Variants in ZDHHC15 observed in about 807,000 individuals in gnomAD.
ZDHHC15 encodes zDHHC palmitoyltransferase 15.
Under a neutral mutation model 31.7 loss-of-function variants are expected in ZDHHC15, and 19 were observed. That is an observed-to-expected ratio of 0.60 (90% CI 0.42 to 0.88). ZDHHC15 has a LOEUF of 0.88. Among genes scored for constraint, ZDHHC15 ranks in the 40% least tolerant of loss-of-function variants. The probability of loss-of-function intolerance (pLI) is 0.00; values close to 1 mark genes in which losing one functional copy is unlikely to be tolerated. For missense variants in ZDHHC15, 209 were observed against 251.2 expected (o/e 0.83, Z 1.14); for synonymous variants, 103 against 90.0 (o/e 1.14, Z -0.82).
chrX:75,391,095 C>T (rs746260576), intron 10 of ZDHHC15, among the ~76,000 whole-genome samples: 93 of 111,623 alleles, frequency 8.3e-4, no homozygotes, highest in Middle Eastern at 9.3e-3. Flanking sequence ...GAATGCAAAA[C>T]GGTTTCTTAA....
At chrX:75,497,187 T>C (rs1401535060) in intron 2 of ZDHHC15, among the ~76,000 whole-genome samples, 1 of 111,446 alleles carries the variant, frequency 9.0e-6, no homozygotes, top group African/African-American at 3.3e-5. Flanking sequence ...CAAAAGATCA[T>C]TGAAGGCTAC....
At chrX:75,406,465 A>G (rs1490657580) in intron 10 of ZDHHC15, among the ~76,000 whole-genome samples, 3 of 111,413 alleles carry the variant, frequency 2.7e-5, no homozygotes, top group Non-Finnish European at 5.7e-5. Flanking sequence ...ACCAAGGAAA[A>G]AAGAGAGAAG....
chrX:75,455,037 C>CA (rs2084193083), intron 3 of ZDHHC15, among the ~76,000 whole-genome samples: 1 of 111,316 alleles, frequency 9.0e-6, no homozygotes, highest in Admixed American at 9.6e-5. Context: ...CATATGGAAT[C>CA]AAAAAAGAGC....
intron 2 of ZDHHC15, among the ~76,000 whole-genome samples, chrX:75,494,452 GA>G (rs2084955064): frequency 9.1e-6 from 1 of 110,161 alleles, no homozygotes; most frequent in South Asian, 3.8e-4. Context: ...TCATATGAAA[GA>G]AAAAAGAGCC....
chrX:75,394,769 C>A (rs1263884522), intron 10 of ZDHHC15, among the ~76,000 whole-genome samples: 2 of 111,696 alleles, frequency 1.8e-5, no homozygotes, highest in Non-Finnish European at 3.8e-5. Context: ...AAAACAATAA[C>A]AGCTGGAGAC....
At chrX:75,521,814 A>C (rs2085446070) in intron 1 of ZDHHC15, among the ~76,000 whole-genome samples, 1 of 111,677 alleles carries the variant, frequency 9.0e-6, no homozygotes, top group Non-Finnish European at 1.9e-5. Context: ...GAAATCCCAA[A>C]GGAAGTGGAT....
At chrX:75,459,242 G>A (rs1290588976) in intron 3 of ZDHHC15, among the ~76,000 whole-genome samples, 1 of 110,810 alleles carries the variant, frequency 9.0e-6, no homozygotes, top group Non-Finnish European at 1.9e-5. Context: ...CCCCAGCAAG[G>A]TGGGAGATCC....
At chrX:75,434,199 G>C in intron 4 of ZDHHC15, among the ~76,000 whole-genome samples, 1 of 111,147 alleles carries the variant, frequency 9.0e-6, no homozygotes, top group Admixed American at 9.6e-5. Flanking sequence ...TTTTTTTCTT[G>C]CTGATTTGTT....
chrX:75,458,012 G>T (rs1039281271), intron 3 of ZDHHC15, among the ~76,000 whole-genome samples: 2 of 111,108 alleles, frequency 1.8e-5, no homozygotes, highest in African/African-American at 6.5e-5. Context: ...ATATTTATAT[G>T]CCAAAAGACA....
At chrX:75,404,570 C>T (rs1045637583) in intron 10 of ZDHHC15, among the ~76,000 whole-genome samples, 20 of 111,722 alleles carry the variant, frequency 1.8e-4, no homozygotes, top group African/African-American at 6.2e-4. Flanking sequence ...AGGCAAAGGA[C>T]ATGAGCAGAT....
intron 4 of ZDHHC15, among the ~76,000 whole-genome samples, chrX:75,445,334 T>C (rs2084018258): frequency 9.0e-6 from 1 of 111,709 alleles, no homozygotes; most frequent in Non-Finnish European, 1.9e-5. Context: ...GCACTGGTAA[T>C]CTGTGGCATG....
intron 10 of ZDHHC15, among the ~76,000 whole-genome samples, chrX:75,385,121 C>A (rs1235082646): frequency 9.0e-6 from 1 of 111,690 alleles, no homozygotes; most frequent in African/African-American, 3.3e-5. Flanking sequence ...TTTCTTCAAG[C>A]AAGAGTTAAT....
intron 2 of ZDHHC15, among the ~76,000 whole-genome samples, chrX:75,498,851 AT>A (rs2085048465): frequency 8.9e-6 from 1 of 111,794 alleles, no homozygotes; most frequent in South Asian, 3.8e-4. Flanking sequence ...AAAAGAACAA[AT>A]CTGGAGATAT....
At chrX:75,450,743 CTT>C (rs1008560594) in intron 4 of ZDHHC15, 57 bp downstream of exon 4, 2 of 1,207,338 alleles carry the variant, frequency 1.7e-6, no homozygotes, top group African/African-American at 3.5e-5. Flanking sequence ...ACATATATGA[CTT>C]AGCCTTTCTG....
intron 10 of ZDHHC15, among the ~76,000 whole-genome samples, chrX:75,412,474 C>T (rs1403150229): frequency 9.1e-6 from 1 of 110,321 alleles, no homozygotes; most frequent in Non-Finnish European, 1.9e-5. Flanking sequence ...CTCCGTTGCC[C>T]AGGCTGAAGT....
At position 75,462,211 on chromosome X, in the gene ZDHHC15, A is replaced by T. The variant is rs1488293875; in HGVS notation, c.259-11289T>A. On this transcript the variant is annotated intron_variant, in intron 3 of 11. Coordinates refer to ENST00000373367, the MANE Select transcript of ZDHHC15 (RefSeq NM_144969.3). Reference sequence around the variant, plus strand: ...ATATTACATAATGGAAAAAGGTTCAATTCAACAAGAAGAGCTTTCTAAATA... The same window carrying T: ...ATATTACATAATGGAAAAAGGTTCATTTCAACAAGAAGAGCTTTCTAAATA... 2.7e-5 allele frequency among the ~76,000 whole-genome samples: 3 copies of T among 112,700 alleles called. No individual in the cohort carries two copies. In the East Asian group the frequency reaches 8.3e-4, roughly 31 times the overall value.
intron 2 of ZDHHC15, among the ~76,000 whole-genome samples, chrX:75,485,508 A>G (rs2084763269): frequency 9.0e-6 from 1 of 110,586 alleles, no homozygotes; most frequent in Admixed American, 9.8e-5. Context: ...ATATATATAT[A>G]TAATCATTTT....
rs143026053 is a variant in ZDHHC15, at chrX:75,424,340, T to A, written c.736+312A>T. Among the ~76,000 whole-genome samples, 1,042 of 111,348 alleles carry A rather than the reference T, an allele frequency of 9.4e-3. 16 individuals carry two copies. Among genetic ancestry groups the A allele is most frequent in the African/African-American group, 0.032 (975 of 30,650 alleles). On this transcript the variant is annotated intron_variant, in intron 8 of 11. Coordinates refer to ENST00000373367, the MANE Select transcript of ZDHHC15 (RefSeq NM_144969.3). ...ACTGATTCTTTCTTTAATTTCCTCA[T>A]GTGAACACCTTTTAGAAATCTTCTG...
chrX:75,410,193 AG>A lies in ZDHHC15; in HGVS notation c.967+6893del, dbSNP rs1405497967. Among the ~76,000 whole-genome samples the A allele has an allele frequency of 3.6e-5, 4 of 111,755 alleles. No individual in the cohort carries two copies. The East Asian group carries it at 1.1e-3, about 31-fold the overall frequency. ...AGACGTTGAAAGCACAGGCAACCAA[AG>A]CAAAAATAGACAATTGGGATTACAT... On this transcript the variant is annotated intron_variant, in intron 10 of 11. Coordinates refer to ENST00000373367, the MANE Select transcript of ZDHHC15 (RefSeq NM_144969.3).
Sources: allele counts gnomAD v4.1 joint callset (sites outside exome capture counted in the v4.1 genomes callset), GRCh38; gene constraint gnomAD v4.1.1; transcripts MANE v1.5; gene names NCBI Gene and HGNC (gene_info 2026-07-23, HGNC 2026-07-21).